MAP7D2: variants seen among roughly 807,000 people sequenced by gnomAD.
MAP7D2 encodes MAP7 domain-containing protein 2.
MAP7D2 carries 33 observed loss-of-function variants against 63.5 expected under a neutral mutation model. That is an observed-to-expected ratio of 0.52 (90% CI 0.39 to 0.70). The LOEUF is 0.70. MAP7D2 is among the 30% of genes least tolerant of loss of function. The pLI is 0.00. For synonymous variants in MAP7D2, 224 were observed against 223.7 expected, an observed-to-expected ratio of 1.00 and a Z score of -0.01; for missense variants, 626 against 604.0, an observed-to-expected ratio of 1.04 and a Z score of -0.38.
intron 8 of MAP7D2, among the ~76,000 whole-genome samples, chrX:20,032,597 C>T (rs1016625223): frequency 1.8e-5 from 2 of 111,706 alleles, no homozygotes; most frequent in African/African-American, 6.5e-5. Context: ...GTTTTGTTTT[C>T]AACACATGAT....
chrX:20,116,885 T>C lies in MAP7D2; in HGVS notation c.-6A>G. 9.0e-7 allele frequency: 1 copy of C among 1,109,470 alleles called. No homozygotes were observed. Among genetic ancestry groups the C allele is most frequent in the Non-Finnish European group, 1.2e-6 (1 of 846,367 alleles). 91.4% of individuals were successfully genotyped at this position (1,109,470 alleles called of 1,213,427 possible). A position where few individuals can be genotyped will look rare whatever the true frequency, so the allele number is the denominator to read the frequency against. Reference sequence around the variant, plus strand: ...CCGCCGCCGCCGCGCTCCATCGGGATGCGCCGGCCGCACAGGCGCACTGCC... The same window carrying C: ...CCGCCGCCGCCGCGCTCCATCGGGACGCGCCGGCCGCACAGGCGCACTGCC... On this transcript the variant is annotated 5_prime_UTR_variant, in exon 1 of 17. Transcript: ENST00000379643.
At chrX:20,100,439 T>C (rs1467409277) in intron 1 of MAP7D2, among the ~76,000 whole-genome samples, 1 of 112,146 alleles carries the variant, frequency 8.9e-6, no homozygotes, top group Non-Finnish European at 1.9e-5. Context: ...GTCGATGTTC[T>C]AGCTCCCAGA....
intron 1 of MAP7D2, among the ~76,000 whole-genome samples, chrX:20,065,793 A>G (rs954505343): frequency 8.9e-6 from 1 of 112,398 alleles, no homozygotes; most frequent in Non-Finnish European, 1.9e-5. Context: ...GCAGAACCCT[A>G]AAGGGCTTTC....
At chrX:20,070,707 T>C (rs896112779) in intron 1 of MAP7D2, among the ~76,000 whole-genome samples, 3 of 111,225 alleles carry the variant, frequency 2.7e-5, no homozygotes, top group Non-Finnish European at 5.7e-5. Context: ...TACAAAAAAA[T>C]TGGAATAAAA....
At chrX:20,046,730 A>G (rs2064808036) in intron 6 of MAP7D2, among the ~76,000 whole-genome samples, 1 of 112,814 alleles carries the variant, frequency 8.9e-6, no homozygotes, top group Non-Finnish European at 1.9e-5. Flanking sequence ...CCTGAACACA[A>G]TATATCTTTC....
chrX:20,041,421 C>T (rs1431296939), intron 8 of MAP7D2, among the ~76,000 whole-genome samples: 7 of 111,826 alleles, frequency 6.3e-5, no homozygotes, highest in Non-Finnish European at 1.3e-4. Flanking sequence ...AGGACAAACA[C>T]ATCAATGGCA....
At chrX:20,013,027 A>G (rs780375190) in intron 14 of MAP7D2, 27 bp downstream of exon 14, 1 of 1,162,647 alleles carries the variant, frequency 8.6e-7, no homozygotes, top group Non-Finnish European at 1.2e-6. Flanking sequence ...TAAAAGGAAG[A>G]ACCCAAGAAC....
At chrX:20,069,902 T>C (rs1188923274) in intron 1 of MAP7D2, among the ~76,000 whole-genome samples, 1 of 110,089 alleles carries the variant, frequency 9.1e-6, no homozygotes, top group African/African-American at 3.3e-5. Flanking sequence ...GCCTCCCATG[T>C]AGCTGGGACT....
At chrX:20,071,336 T>C (rs2065496011) in intron 1 of MAP7D2, among the ~76,000 whole-genome samples, 1 of 112,660 alleles carries the variant, frequency 8.9e-6, no homozygotes, top group Admixed American at 9.4e-5. Flanking sequence ...TAGTCAGTCT[T>C]AGGTGTGGTT....
intron 10 of MAP7D2, chrX:20,017,049 T>G (rs2073421699): frequency 8.8e-6 from 1 of 113,845 alleles, no homozygotes; most frequent in Admixed American, 9.5e-5. Context: ...GTCCAAGAGC[T>G]TGTTTTAACC....
chrX:20,024,113 A>C (rs1232949331), intron 10 of MAP7D2, among the ~76,000 whole-genome samples: 2 of 112,045 alleles, frequency 1.8e-5, no homozygotes, highest in Non-Finnish European at 3.8e-5. Context: ...ATAATTCTCT[A>C]AACAGTATTG....
intron 1 of MAP7D2, among the ~76,000 whole-genome samples, chrX:20,113,289 C>T (rs755114834): frequency 9.0e-6 from 1 of 111,278 alleles, no homozygotes; most frequent in African/African-American, 3.3e-5. Flanking sequence ...CTCTGTCGCC[C>T]GGGGTGGAGT....
intron 1 of MAP7D2, among the ~76,000 whole-genome samples, chrX:20,115,303 C>T (rs1166427933): frequency 9.4e-6 from 1 of 105,947 alleles, no homozygotes; most frequent in Non-Finnish European, 1.9e-5. Flanking sequence ...ACTGAAAACC[C>T]AATCATACCG....
chrX:20,091,410 C>T (rs1009421794), intron 1 of MAP7D2, among the ~76,000 whole-genome samples: 9 of 108,272 alleles, frequency 8.3e-5, no homozygotes, highest in Non-Finnish European at 1.5e-4. Context: ...TGGCTCACGC[C>T]TGTAATCCCA....
At chrX:20,047,164 C>T (rs2064819242) in intron 6 of MAP7D2, among the ~76,000 whole-genome samples, 1 of 112,292 alleles carries the variant, frequency 8.9e-6, no homozygotes, top group African/African-American at 3.2e-5. Context: ...CTGATGGCCT[C>T]AGGCAGCCGC....
intron 1 of MAP7D2, among the ~76,000 whole-genome samples, chrX:20,097,772 T>A (rs1291197674): frequency 9.0e-6 from 1 of 111,434 alleles, no homozygotes; most frequent in Non-Finnish European, 1.9e-5. Flanking sequence ...CTGCTAACCA[T>A]GGGCCACCAA....
chrX:20,108,227 CTTTTT>C (rs1400917622), intron 1 of MAP7D2, among the ~76,000 whole-genome samples: 1 of 69,805 alleles, frequency 1.4e-5, no homozygotes, highest in African/African-American at 5.6e-5. Context: ...GAGCATGCTT[CTTTTT>C]TATTTTATTT....
intron 1 of MAP7D2, among the ~76,000 whole-genome samples, chrX:20,088,719 G>T (rs1171827536): frequency 1.8e-5 from 2 of 109,859 alleles, no homozygotes; most frequent in Admixed American, 2.0e-4. Context: ...AAGAAAAGAA[G>T]ATTTAATTTT....
At chrX:20,052,792 G>T in intron 5 of MAP7D2, 86 bp downstream of exon 5, 2 of 727,621 alleles carry the variant, frequency 2.7e-6, no homozygotes, top group Non-Finnish European at 4.3e-6. Flanking sequence ...GAAGGCTCAA[G>T]AGGAGACTCT....
Sources: gnomAD v4.1 joint callset for allele counts (sites outside exome capture counted in the v4.1 genomes callset) on GRCh38, gnomAD v4.1.1 for gene constraint, MANE v1.5 for transcripts, NCBI Gene and HGNC (gene_info 2026-07-23, HGNC 2026-07-21) for gene names.